The following VAV3 variants were observed in gnomAD, a reference collection of about 807,000 sequenced individuals.
VAV3 encodes guanine nucleotide exchange factor VAV3.
VAV3 carries 94 observed loss-of-function variants against 131.2 expected under a neutral mutation model. That is an observed-to-expected ratio of 0.72 (90% confidence interval 0.61 to 0.85). The LOEUF (loss-of-function observed/expected upper bound fraction) is 0.85. Ranked by LOEUF, VAV3 falls within the 40% of genes least tolerant of loss-of-function variation. VAV3 has a pLI of 0.00. For missense variants in VAV3, 939 were observed against 1,002.7 expected (o/e 0.94, Z 0.86); for synonymous variants, 349 against 342.0 (o/e 1.02, Z -0.22).
chr1:107,712,983 G>C (rs1340816228), intron 15 of VAV3, among the ~76,000 whole-genome samples: 1 of 152,138 alleles, frequency 6.6e-6, no homozygotes, highest in Non-Finnish European at 1.5e-5. Flanking sequence ...GCTTAAATAT[G>C]ACTTAAAAGT....
chr1:107,825,987 T>C (rs1667993046), intron 2 of VAV3, among the ~76,000 whole-genome samples: 1 of 152,134 alleles, frequency 6.6e-6, no homozygotes, highest in Non-Finnish European at 1.5e-5. Flanking sequence ...TTATAATCCT[T>C]TATCCCCTTC....
intron 22 of VAV3, among the ~76,000 whole-genome samples, chr1:107,605,243 A>G (rs1201722247): frequency 6.6e-6 from 1 of 152,218 alleles, no homozygotes; most frequent in Non-Finnish European, 1.5e-5. Flanking sequence ...AAGTATTGTT[A>G]TAAGAGTATT....
intron 19 of VAV3, among the ~76,000 whole-genome samples, chr1:107,668,434 T>C (rs1657561140): frequency 1.3e-5 from 2 of 152,186 alleles, no homozygotes; most frequent in African/African-American, 4.8e-5. Flanking sequence ...ATCTGTAAAA[T>C]GGGCATAATA....
chr1:107,761,392 C>CAA (rs35391183), intron 9 of VAV3, among the ~76,000 whole-genome samples: 2 of 102,518 alleles, frequency 2.0e-5, no homozygotes, highest in Non-Finnish European at 4.0e-5. Context: ...GACTCCGTCT[C>CAA]AAAAAAAAAA....
chr1:107,728,625 GTATATGTA>G (rs1662017347), intron 15 of VAV3, among the ~76,000 whole-genome samples: 3 of 105,680 alleles, frequency 2.8e-5, no homozygotes, highest in Admixed American at 2.0e-4. Context: ...ATATGTATAT[GTATATGTA>G]TATGTATATG....
chr1:107,962,966 T>G (rs1319887436), intron 1 of VAV3, among the ~76,000 whole-genome samples: 1 of 152,208 alleles, frequency 6.6e-6, no homozygotes, highest in Non-Finnish European at 1.5e-5. Flanking sequence ...TGTGCTCAAT[T>G]TTCATTAATG....
At chr1:107,582,422 A>T (rs1650125691) in intron 25 of VAV3, among the ~76,000 whole-genome samples, 1 of 152,022 alleles carries the variant, frequency 6.6e-6, no homozygotes, top group African/African-American at 2.4e-5. Context: ...TATATTTTTT[A>T]TTATTATACT....
intron 15 of VAV3, among the ~76,000 whole-genome samples, chr1:107,718,857 A>T (rs1356167731): frequency 6.6e-6 from 1 of 152,188 alleles, no homozygotes; most frequent in Non-Finnish European, 1.5e-5. Context: ...ACCAAAACAG[A>T]GATATAGACC....
intron 19 of VAV3, among the ~76,000 whole-genome samples, chr1:107,662,252 TG>T (rs1165755279): frequency 6.6e-6 from 1 of 152,116 alleles, no homozygotes; most frequent in East Asian, 1.9e-4. Flanking sequence ...TTCCTCCGAG[TG>T]ATTAAAATTG....
intron 15 of VAV3, among the ~76,000 whole-genome samples, chr1:107,732,580 G>A (rs1662318560): frequency 6.6e-6 from 1 of 152,196 alleles, no homozygotes; most frequent in Non-Finnish European, 1.5e-5. Flanking sequence ...TGGCTCAGAG[G>A]GTCCCATGCC....
intron 21 of VAV3, 31 bp from the exon 22 acceptor site, chr1:107,609,996 G>A (rs1163131273): frequency 6.2e-7 from 1 of 1,606,966 alleles, no homozygotes; most frequent in Non-Finnish European, 8.5e-7. Context: ...AACAGATTAA[G>A]TTTACATAAG....
At chr1:107,840,848 G>T (rs1205047141) in intron 2 of VAV3, among the ~76,000 whole-genome samples, 2 of 152,072 alleles carry the variant, frequency 1.3e-5, no homozygotes, top group Admixed American at 1.3e-4. Flanking sequence ...CTAAAAGCAA[G>T]TGTGAAGAAC....
At chr1:107,779,604 C>T in intron 2 of VAV3, 112 bp from the exon 3 acceptor site, 1 of 710,278 alleles carries the variant, frequency 1.4e-6, no homozygotes, top group Non-Finnish European at 2.1e-6. Flanking sequence ...CATAAATTTG[C>T]AGGTGTCAAA....
chr1:107,608,157 A>C (rs1455209663), intron 22 of VAV3, among the ~76,000 whole-genome samples: 2 of 130,516 alleles, frequency 1.5e-5, no homozygotes, highest in Admixed American at 7.6e-5. Flanking sequence ...ATATTATTCT[A>C]ACTGGTCATA....
chr1:107,743,301 C>T (rs900858830), intron 15 of VAV3, among the ~76,000 whole-genome samples: 3 of 152,008 alleles, frequency 2.0e-5, no homozygotes, highest in South Asian at 2.1e-4. Flanking sequence ...ATGCAGAAGA[C>T]GTAAACCAGG....
intron 20 of VAV3, among the ~76,000 whole-genome samples, chr1:107,642,313 C>CA (rs1655401822): frequency 6.6e-6 from 1 of 152,138 alleles, no homozygotes; most frequent in Non-Finnish European, 1.5e-5. Context: ...ACATTCCCAT[C>CA]AGCACCATGA....
At chr1:107,923,155 A>T (rs1672993953) in intron 1 of VAV3, among the ~76,000 whole-genome samples, 1 of 151,978 alleles carries the variant, frequency 6.6e-6, no homozygotes, top group South Asian at 2.1e-4. Flanking sequence ...CTGTGTCATT[A>T]TAAGTTAAAT....
intron 2 of VAV3, among the ~76,000 whole-genome samples, 157 bp from the exon 3 acceptor site, chr1:107,779,649 T>C (rs952967413): frequency 1.1e-4 from 16 of 152,138 alleles, no homozygotes; most frequent in African/African-American, 3.9e-4. Context: ...GATTGGGAAG[T>C]ATAAACACCT....
chr1:107,794,318 C>T (rs2102281022), intron 2 of VAV3, among the ~76,000 whole-genome samples: 1 of 151,290 alleles, frequency 6.6e-6, no homozygotes, highest in South Asian at 2.1e-4. Context: ...ACTAATAAAA[C>T]AGGATTATGG....
Sources: gnomAD v4.1 joint callset for allele counts (sites outside exome capture counted in the v4.1 genomes callset) on GRCh38, gnomAD v4.1.1 for gene constraint, MANE v1.5 for transcripts, NCBI Gene and HGNC (gene_info 2026-07-23, HGNC 2026-07-21) for gene names.